Variants in PHF19 observed in about 807,000 individuals in gnomAD.
PHF19 encodes the protein PHD finger protein 19, also known as polycomb like 3.
PHF19 carries 21 observed loss-of-function variants against 79.8 expected under a neutral mutation model. That is an observed-to-expected ratio of 0.26 (90% CI 0.19 to 0.38). PHF19 has a LOEUF of 0.38. Among genes scored for constraint, PHF19 ranks in the 10% least tolerant of loss-of-function variants. PHF19 has a pLI of 1.00. For synonymous variants in PHF19, 273 were observed against 296.3 expected (o/e 0.92, Z 0.81); for missense variants, 445 against 744.2 (o/e 0.60, Z 4.68).
upstream of PHF19, among the ~76,000 whole-genome samples, chr9:120,879,021 C>G (rs2046137780): frequency 6.6e-6 from 1 of 151,572 alleles, no homozygotes; most frequent in Non-Finnish European, 1.5e-5. Flanking sequence ...CCAGCTCCAC[C>G]CATTACTGGC....
chr9:120,881,674 G>T (rs1170767230), upstream of PHF19, among the ~76,000 whole-genome samples: 1 of 152,140 alleles, frequency 6.6e-6, no homozygotes, highest in South Asian at 2.1e-4. Flanking sequence ...AGCAGAGGAG[G>T]TTTTGATGAT....
intron 3 of PHF19, among the ~76,000 whole-genome samples, chr9:120,871,444 C>T (rs1193677598): frequency 6.6e-6 from 1 of 152,338 alleles, no homozygotes; most frequent in African/African-American, 2.4e-5. Flanking sequence ...ATATCATTAA[C>T]AAATTCAGTT....
At chr9:120,896,740 A>T (rs2046406097), upstream of PHF19, among the ~76,000 whole-genome samples, 1 of 152,066 alleles carries the variant, frequency 6.6e-6, no homozygotes. Context: ...GGCGTGAGCC[A>T]CCGTGCCCGG....
chr9:120,860,280 C>G lies in PHF19; in HGVS notation c.1305-95G>C, dbSNP rs1217259231. Reference sequence around the variant, plus strand: ...GTTCCCCTAACATGCATCCTTCATCCCAGTGGAGGCCCGTCTTCCCACAGC... The same window carrying G: ...GTTCCCCTAACATGCATCCTTCATCGCAGTGGAGGCCCGTCTTCCCACAGC... On this transcript the variant is annotated intron_variant, in intron 13 of 14. Coordinates refer to ENST00000373896, the MANE Select transcript of PHF19 (RefSeq NM_015651.3). This position sits in a 1 kb window ranked among gnomAD's most constrained non-coding sequence, Gnocchi z 4.1. 1 of 695,550 alleles carries G rather than the reference C, an allele frequency of 1.4e-6. No individual in the cohort carries two copies. 43.1% of individuals were successfully genotyped at this position (695,550 alleles called of 1,614,324 possible). A position where few individuals can be genotyped will look rare whatever the true frequency, so the allele number is the denominator to read the frequency against.
At chr9:120,898,543 G>A (rs142814061), upstream of PHF19, among the ~76,000 whole-genome samples, 22 of 152,324 alleles carry the variant, frequency 1.4e-4, no homozygotes, top group East Asian at 3.5e-3. Flanking sequence ...ATTTTATCAT[G>A]GCTATTTAAA....
intron 9 of PHF19, 107 bp downstream of exon 9, chr9:120,865,603 A>G: frequency 7.3e-7 from 1 of 1,363,096 alleles, no homozygotes; most frequent in South Asian, 1.3e-5. Context: ...TCAGGGATGC[A>G]GCAACTCAAG....
In PHF19 at chr9:120,857,918, G is replaced by C; in HGVS notation, c.*26C>G. 3 of 1,425,626 alleles carry C rather than the reference G, an allele frequency of 2.1e-6. No homozygotes were observed. The South Asian group carries it at 3.9e-5, about 19-fold the overall frequency. 88.3% of individuals were successfully genotyped at this position (1,425,626 alleles called of 1,614,324 possible). On this transcript the variant is annotated 3_prime_UTR_variant, in exon 15 of 15. Coordinates refer to ENST00000373896, the MANE Select transcript of PHF19 (RefSeq NM_015651.3). ...TCTGCTGCTCCTCCTTTGGTTTTCA[G>C]GACCCCTGGCACCCCCGGGGGCTAG...
chr9:120,869,283 G>C lies in PHF19; in HGVS notation c.513C>G (p.Ala171=), dbSNP rs41273396. 6.2e-7 allele frequency: 1 copy of C among 1,612,806 alleles called. No individual in the cohort carries two copies. The highest frequency in any genetic ancestry group is 2.2e-5 in the East Asian group (1 of 44,862). The change falls in exon 6 of 15, where the codon GCC becomes GCG. Residue 171 remains alanine (A), a synonymous_variant. Transcript: ENST00000373896. The surrounding 1 kb of genome is among the most constrained non-coding windows in gnomAD (Gnocchi z 5.8). ...KKGAIARTLQ[A]VKMVLSYQPE... is the part of the protein sequence containing the mutation. ...GCTGGTAGGACAGCACCATCTTCAC[G>C]GCCTGCAGCGTCCTGGCGATGGCGC...
intron 6 of PHF19, among the ~76,000 whole-genome samples, chr9:120,867,637 G>A (rs919088729): frequency 1.3e-5 from 2 of 152,228 alleles, no homozygotes; most frequent in African/African-American, 4.8e-5. Flanking sequence ...GCCCATAGGC[G>A]TTGAGAAACA....
Position 120,869,970 on chromosome 9 carries a change from G to T in PHF19, c.365-25C>A. ...CCTACGGCAGAGGAGGGGGCGGTGA[G>T]CGCCCACAAGGACATCGTGGCCCAA... On this transcript the variant is annotated intron_variant, in intron 4 of 14. Coordinates refer to ENST00000373896, the MANE Select transcript of PHF19 (RefSeq NM_015651.3). This position sits in a 1 kb window ranked among gnomAD's most constrained non-coding sequence, Gnocchi z 5.8. 6.4e-7 allele frequency: 1 copy of T among 1,553,114 alleles called. No individual in the cohort carries two copies. The highest frequency in any genetic ancestry group is 8.7e-7 in the Non-Finnish European group (1 of 1,148,630).
intron 14 of PHF19, among the ~76,000 whole-genome samples, chr9:120,859,520 G>A (rs557584770): frequency 5.3e-4 from 80 of 152,128 alleles, no homozygotes; most frequent in Non-Finnish European, 1.1e-3. Context: ...ACCACTCCCC[G>A]TACTGCTGAG....
rs762682438 is a variant in PHF19 at position 120,866,983 on chromosome 9, C to A, written c.615-18G>T. On this transcript the variant is annotated intron_variant, in intron 6 of 14. Coordinates refer to ENST00000373896, the MANE Select transcript of PHF19 (RefSeq NM_015651.3). This position sits in a 1 kb window ranked among gnomAD's most constrained non-coding sequence, Gnocchi z 5.2. The stretch of plus-strand genomic sequence containing the variant: ...GGTACCATCTGGAGAGACAGAGGAG[C>A]CAAGGTCAGCCAGGACCACACCCCC... 26 of 1,491,226 alleles carry A rather than the reference C, an allele frequency of 1.7e-5. No homozygotes were observed. The highest frequency in any genetic ancestry group is 2.3e-5 in the Non-Finnish European group (25 of 1,068,286). The allele number at this position is 1,491,226 out of a possible 1,614,324, so 92.4% of individuals were successfully genotyped here. A position where few individuals can be genotyped will look rare whatever the true frequency, so the allele number is the denominator to read the frequency against.
At chr9:120,868,183 CA>C (rs2045762035) in intron 6 of PHF19, 1 of 152,400 alleles carries the variant, frequency 6.6e-6, no homozygotes, top group Non-Finnish European at 1.5e-5. Context: ...GTGATCCTCC[CA>C]CCTCAGCCTC....
At chr9:120,868,280 T>C (rs2045765777) in intron 6 of PHF19, 2 of 152,238 alleles carry the variant, frequency 1.3e-5, no homozygotes, top group Admixed American at 1.3e-4. Flanking sequence ...TTCCACTGAC[T>C]CTGACTGTGA....
chr9:120,878,055 C>T (rs555292817), upstream of PHF19, among the ~76,000 whole-genome samples: 3 of 152,136 alleles, frequency 2.0e-5, no homozygotes, highest in Non-Finnish European at 4.4e-5. Context: ...GGAGGGAATT[C>T]AGTGGGCTAA....
At position 120,891,528 on chromosome 9, in the gene PHF19, G is replaced by A. The variant is rs1350582336; in HGVS notation, c.42+3260C>T. Among the ~76,000 whole-genome samples the A allele has an allele frequency of 6.6e-6, 1 of 152,124 alleles. No homozygotes were observed. Among genetic ancestry groups the A allele is most frequent in the Non-Finnish European group, 1.5e-5 (1 of 68,030 alleles). ...TGTGGGTTGAAAAGCTCCCCGGGTG[G>A]TTCAAGGTGCAGCCCAGGTGGAGCG... On this transcript the variant is annotated intron_variant, in intron 1 of 14. Coordinates refer to the PHF19 transcript ENST00000616568. This position sits in a 1 kb window ranked among gnomAD's most constrained non-coding sequence, Gnocchi z 4.3.
chr9:120,865,642 T>C (rs531051551), intron 9 of PHF19, 68 bp downstream of exon 9: 44 of 1,585,966 alleles, frequency 2.8e-5, no homozygotes, highest in Admixed American at 1.5e-4. Flanking sequence ...TCCATCCTAG[T>C]CCTGCACTGC....
At chr9:120,894,850 C>T (rs775052192) in exon 1 of PHF19, 19 of 1,219,690 alleles carry the variant, frequency 1.6e-5, no homozygotes, top group Non-Finnish European at 1.4e-5. Flanking sequence ...ACGTAGGAGG[C>T]ATCCGGAGGC....
At position 120,870,621 on chromosome 9, in the gene PHF19, T is replaced by C. The variant is rs1211669880; in HGVS notation, c.269-83A>G. On this transcript the variant is annotated intron_variant, in intron 3 of 14. Transcript: ENST00000373896. This position sits in a 1 kb window ranked among gnomAD's most constrained non-coding sequence, Gnocchi z 4.4. ...CACATTCCAGATGCCCAGCCTCTAA[T>C]GTCTGCTAGGCCTAGCGCTGGGCCC... 3 of 840,902 alleles carry C rather than the reference T, an allele frequency of 3.6e-6. No homozygotes were observed. The highest frequency in any genetic ancestry group is 3.3e-5 in the African/African-American group (2 of 60,038). The allele number at this position is 840,902 out of a possible 1,614,324, so 52.1% of individuals were successfully genotyped here.
Sources: gnomAD v4.1 joint callset for allele counts (sites outside exome capture counted in the v4.1 genomes callset) on GRCh38, gnomAD v4.1.1 for gene constraint, Gnocchi (gnomAD v3.1) non-coding constraint, MANE v1.5 for transcripts, NCBI Gene and HGNC (gene_info 2026-07-23, HGNC 2026-07-21) for gene names.